Variants in COL27A1 observed in about 807,000 individuals in gnomAD.
COL27A1 encodes the protein collagen type XXVII alpha 1 chain, also known as collagen alpha-1(XXVII) chain.
Under a neutral mutation model 251.3 loss-of-function variants are expected in COL27A1, and 106 were observed. The ratio of observed to expected loss-of-function variants is 0.42; its 90% confidence interval spans 0.36 to 0.50. The LOEUF is 0.50. Among genes scored for constraint, COL27A1 ranks in the 20% least tolerant of loss-of-function variants. The probability of loss-of-function intolerance (pLI) is 0.00; values close to 1 mark genes in which losing one functional copy is unlikely to be tolerated. For missense variants in COL27A1, 2,325 were observed against 2,522.8 expected (o/e 0.92, Z 1.68); for synonymous variants, 1,000 against 986.3 (o/e 1.01, Z -0.26).
At chr9:114,190,492 T>C (rs1828681395) in intron 5 of COL27A1, among the ~76,000 whole-genome samples, 1 of 152,176 alleles carries the variant, frequency 6.6e-6, no homozygotes, top group Non-Finnish European at 1.5e-5. Flanking sequence ...GGTCCAGAAC[T>C]CCTGGGCTCA....
chr9:114,263,259 C>T (rs1012871023), intron 28 of COL27A1, among the ~76,000 whole-genome samples: 1 of 152,102 alleles, frequency 6.6e-6, no homozygotes, highest in African/African-American at 2.4e-5. Context: ...GCCCAGCCTT[C>T]CTTGTTTGAT....
intron 37 of COL27A1, among the ~76,000 whole-genome samples, chr9:114,276,537 G>C (rs548208010): frequency 1.3e-5 from 2 of 152,148 alleles, no homozygotes; most frequent in South Asian, 2.1e-4. Flanking sequence ...CCTGGGAGGC[G>C]GGGGTTGCAA....
chr9:114,205,015 C>G (rs1829849242), intron 7 of COL27A1, 87 bp from the exon 8 acceptor site: 3 of 1,310,328 alleles, frequency 2.3e-6, no homozygotes, highest in South Asian at 2.4e-5. Flanking sequence ...CGGTGCTGAA[C>G]AGGGCAGGCC....
chr9:114,179,648 A>G (rs935286628), intron 4 of COL27A1, among the ~76,000 whole-genome samples: 1 of 152,196 alleles, frequency 6.6e-6, no homozygotes, highest in Admixed American at 6.5e-5. Flanking sequence ...CTGTTTGCTG[A>G]GCCACATGTG....
At chr9:114,289,650 G>C (rs1827766669) in intron 45 of COL27A1, among the ~76,000 whole-genome samples, 1 of 152,168 alleles carries the variant, frequency 6.6e-6, no homozygotes, top group Non-Finnish European at 1.5e-5. Context: ...TGCTTGAGCA[G>C]GAGCCACTTC....
intron 23 of COL27A1, among the ~76,000 whole-genome samples, chr9:114,244,297 G>T (rs181138627): frequency 6.6e-6 from 1 of 152,136 alleles, no homozygotes; most frequent in East Asian, 1.9e-4. Context: ...CTGGGTGGTG[G>T]GACAATAGGA....
intron 31 of COL27A1, 25 bp downstream of exon 31, chr9:114,265,135 T>G (rs779208996): frequency 1.8e-6 from 2 of 1,093,326 alleles, no homozygotes; most frequent in Non-Finnish European, 2.6e-6. Flanking sequence ...TTCTTGAAAT[T>G]CTCTACATGG....
At chr9:114,245,739 C>T in intron 23 of COL27A1, 127 bp from the exon 24 acceptor site, 1 of 871,560 alleles carries the variant, frequency 1.1e-6, no homozygotes, top group Non-Finnish European at 1.9e-6. Context: ...CAAGGCCACA[C>T]ACTGGAGATA....
Position 114,210,840 on chromosome 9 carries a change from T to C in COL27A1, c.2323-142T>C, listed in dbSNP as rs144276156. The C allele has an allele frequency of 3.4e-4, 250 of 744,412 alleles. 2 individuals are homozygous for C. The highest frequency in any genetic ancestry group is 8.7e-4 in the Middle Eastern group (3 of 3,446). 46.1% of individuals were successfully genotyped at this position (744,412 alleles called of 1,614,324 possible). A position where few individuals can be genotyped will look rare whatever the true frequency, so the allele number is the denominator to read the frequency against. ...CCCTGCCATCCGTCTGATGTGCATG[T>C]CACTGGGGCCGCCACGCAAGTGGCA... On this transcript the variant is annotated intron_variant, in intron 11 of 60. Coordinates refer to ENST00000356083, the MANE Select transcript of COL27A1 (RefSeq NM_032888.4).
intron 27 of COL27A1, among the ~76,000 whole-genome samples, chr9:114,253,545 A>T (rs1051223929): frequency 6.6e-6 from 1 of 152,024 alleles, no homozygotes; most frequent in Non-Finnish European, 1.5e-5. Context: ...AAGAGGAGAA[A>T]AAGAATAAGG....
rs564594210 is a variant in COL27A1 at position 114,265,198 on chromosome 9, C to T, written c.3339+88C>T. On this transcript the variant is annotated intron_variant, in intron 31 of 60. Coordinates refer to ENST00000356083, the MANE Select transcript of COL27A1 (RefSeq NM_032888.4). ...GCGGTGCTGATAATAACCACTTTTA[C>T]CAAGTTCCTGTCCTTCTGTGGAAAC... 7.2e-6 allele frequency: 9 copies of T among 1,251,724 alleles called. No individual in the cohort carries two copies. The African/African-American group carries it at 1.0e-4, about 14-fold the overall frequency. The allele number at this position is 1,251,724 out of a possible 1,614,324, so 77.5% of individuals were successfully genotyped here. A position where few individuals can be genotyped will look rare whatever the true frequency, so the allele number is the denominator to read the frequency against.
At chr9:114,267,341 C>G (rs1588828005) in intron 33 of COL27A1, among the ~76,000 whole-genome samples, 163 bp from the exon 34 acceptor site, 1 of 152,294 alleles carries the variant, frequency 6.6e-6, no homozygotes, top group Admixed American at 6.5e-5. Context: ...CCCCCTAGTT[C>G]CAGCTCCAAG....
intron 29 of COL27A1, 103 bp downstream of exon 29, chr9:114,264,511 A>AAAGGGAGCCCCATGGAGGCTG: frequency 1.1e-6 from 1 of 919,146 alleles, no homozygotes; most frequent in Non-Finnish European, 1.6e-6. Context: ...TAGGGACAAC[A>AAAGGGAGCCCCATGGAGGCTG]AAGGGAGCCC....
In COL27A1 at chr9:114,169,080, C is replaced by T; in HGVS notation, c.1525C>T (p.Pro509Ser). The T allele has an allele frequency of 1.2e-6, 2 of 1,614,078 alleles. No homozygotes were observed. Among genetic ancestry groups the T allele is most frequent in the Admixed American group, 1.7e-5 (1 of 60,018 alleles). The change falls in exon 3 of 61, where the codon CCT becomes TCT. Residue 509 changes from proline to serine, a missense_variant. Pro to Ser is a moderately conservative substitution (Grantham distance 74, BLOSUM62 -1). Coordinates refer to ENST00000356083, the MANE Select transcript of COL27A1 (RefSeq NM_032888.4). Reference protein sequence around the residue: ...RSTRPPATMVPPTSGTSTPRT... With the variant: ...RSTRPPATMVSPTSGTSTPRT... ...TACTCGGCCACCAGCCACGATGGTACCTCCAACTTCGGGCACCAGCACTCC... is the reference window on the plus strand; with the variant it reads ...TACTCGGCCACCAGCCACGATGGTATCTCCAACTTCGGGCACCAGCACTCC...
At chr9:114,154,689 G>T (rs1258188059), upstream of COL27A1, among the ~76,000 whole-genome samples, 6 of 152,148 alleles carry the variant, frequency 3.9e-5, no homozygotes, top group East Asian at 1.9e-4. The surrounding 1 kb of genome is among the most constrained non-coding windows in gnomAD (Gnocchi z 5.8). Context: ...GATGCGTTTC[G>T]TGTGAACCTA....
chr9:114,280,209 ATTT>A (rs112978442), intron 37 of COL27A1, among the ~76,000 whole-genome samples: 181 of 146,956 alleles, frequency 1.2e-3, no homozygotes, highest in Non-Finnish European at 2.1e-3. Flanking sequence ...TCAACTTTTA[ATTT>A]TTTTTTTTTT....
chr9:114,181,358 C>T (rs962755339), intron 4 of COL27A1, among the ~76,000 whole-genome samples: 12 of 152,088 alleles, frequency 7.9e-5, no homozygotes, highest in Admixed American at 1.3e-4. Flanking sequence ...TGTTCCTTGC[C>T]GGTGCATTCG....
intron 50 of COL27A1, 51 bp downstream of exon 50, chr9:114,300,174 CATTCATTCATTT>C (rs1828520796): frequency 6.5e-7 from 1 of 1,527,334 alleles, no homozygotes; most frequent in African/African-American, 1.4e-5. Flanking sequence ...CCATTCACCC[CATTCATTCATTT>C]ATTCATTCAA....
chr9:114,264,823 C>A, intron 29 of COL27A1, 101 bp from the exon 30 acceptor site: 1 of 1,294,336 alleles, frequency 7.7e-7, no homozygotes, highest in Non-Finnish European at 1.1e-6. Context: ...ACTCTGTGGC[C>A]TCAAACGGGT....
Sources: allele counts gnomAD v4.1 joint callset (sites outside exome capture counted in the v4.1 genomes callset), GRCh38; gene constraint gnomAD v4.1.1; non-coding constraint Gnocchi (gnomAD v3.1); transcripts MANE v1.5; gene names NCBI Gene and HGNC (gene_info 2026-07-23, HGNC 2026-07-21).